The following CDK10 variants were observed in gnomAD, a reference collection of about 807,000 sequenced individuals.
CDK10 encodes cyclin-dependent kinase 10.
Under a neutral mutation model 51.0 loss-of-function variants are expected in CDK10, and 55 were observed. That is an observed-to-expected ratio of 1.08 (90% confidence interval 0.87 to 1.35). The LOEUF (loss-of-function observed/expected upper bound fraction) is 1.35, where lower values mean the gene tolerates loss of function less well. Among genes scored for constraint, CDK10 ranks in the 40% most tolerant of loss-of-function variants. CDK10 has a pLI of 0.00. For missense variants in CDK10, 589 were observed against 485.1 expected (o/e 1.21, Z -2.01); for synonymous variants, 255 against 199.1 (o/e 1.28, Z -2.36).
At chr16:89,692,226 C>G (rs1364542563) in intron 5 of CDK10, 2 of 543,616 alleles carry the variant, frequency 3.7e-6, no homozygotes, top group Admixed American at 3.6e-5. Flanking sequence ...CACTGGTTTT[C>G]TGGGCTGCTG....
Position 89,695,985 on chromosome 16 carries a change from G to A in CDK10, c.*293G>A, listed in dbSNP as rs2060705368. 3.3e-6 allele frequency: 2 copies of A among 611,160 alleles called. No individual in the cohort carries two copies. The allele number at this position is 611,160 out of a possible 1,614,324, so 37.9% of individuals were successfully genotyped here. A position where few individuals can be genotyped will look rare whatever the true frequency, so the allele number is the denominator to read the frequency against. ...TGGTCCTCCTCGCTATGTTGGAAATGTGCAACCACTGCTTCTTGGGAGGAG... is the reference window on the plus strand; with the variant it reads ...TGGTCCTCCTCGCTATGTTGGAAATATGCAACCACTGCTTCTTGGGAGGAG... On this transcript the variant is annotated 3_prime_UTR_variant, in exon 13 of 13. Coordinates refer to ENST00000353379, the MANE Select transcript of CDK10 (RefSeq NM_052988.5).
chr16:89,695,678 C>T lies in CDK10; in HGVS notation c.1069C>T (p.Arg357Cys), dbSNP rs201812075. 7.0e-5 allele frequency: 112 copies of T among 1,598,864 alleles called. No individual in the cohort carries two copies. The highest frequency in any genetic ancestry group is 3.7e-4 in the African/African-American group (28 of 74,782). ...APATSEGQSK[R>C]CKP ...AGCCACCTCCGAGGGCCAGAGCAAG[C>T]GCTGTAAACCCTGACGGTGGGCCTG... The change falls in exon 13 of 13, where the codon CGC (arginine) becomes TGC (cysteine). Residue 357 changes from arginine (R) to cysteine (C), a missense_variant. Arg to Cys is a radical substitution (Grantham distance 180). Coordinates refer to ENST00000353379, the MANE Select transcript of CDK10 (RefSeq NM_052988.5).
chr16:89,694,365 G>A (rs1191843250), intron 9 of CDK10, 133 bp downstream of exon 9: 1 of 1,018,116 alleles, frequency 9.8e-7, no homozygotes, highest in East Asian at 2.6e-5. Context: ...CCCACTCCCA[G>A]GGAGGTGGGC....
In CDK10 at chr16:89,690,535, A is replaced by C. The variant is rs1228320703; in HGVS notation, c.161-18A>C. On this transcript the variant is annotated intron_variant, in intron 2 of 12. Transcript: ENST00000353379. ...GGGGCATCGAGATGATGTCATCACC[A>C]ATGTGTTTCCATTCCAGATCGGGCC... 15 of 1,611,828 alleles carry C rather than the reference A, an allele frequency of 9.3e-6. No individual in the cohort carries two copies. The Admixed American group carries it at 2.0e-4, about 21-fold the overall frequency.
At position 89,695,970 on chromosome 16, in the gene CDK10, C is replaced by G; in HGVS notation, c.*278C>G. 1 of 622,804 alleles carries G rather than the reference C, an allele frequency of 1.6e-6. No homozygotes were observed. Among genetic ancestry groups the G allele is most frequent in the Non-Finnish European group, 2.8e-6 (1 of 351,530 alleles). 38.6% of individuals were successfully genotyped at this position (622,804 alleles called of 1,614,324 possible). On this transcript the variant is annotated 3_prime_UTR_variant, in exon 13 of 13. Coordinates refer to ENST00000353379, the MANE Select transcript of CDK10 (RefSeq NM_052988.5). ...TGCAGGGGTCTCATGTGGTCCTCCT[C>G]GCTATGTTGGAAATGTGCAACCACT...
At chr16:89,692,112 T>C in intron 5 of CDK10, 2 of 591,380 alleles carry the variant, frequency 3.4e-6, no homozygotes, top group Non-Finnish European at 3.0e-6. Flanking sequence ...ACTGGTTTCC[T>C]GGGCTGTTGG....
chr16:89,694,719 C>T lies in CDK10; in HGVS notation c.723C>T (p.Gly241=), dbSNP rs1320460566. The T allele has an allele frequency of 6.3e-7, 1 of 1,583,188 alleles. No individual in the cohort carries two copies. Among genetic ancestry groups the T allele is most frequent in the Non-Finnish European group, 8.6e-7 (1 of 1,165,304 alleles). Residue 241 remains glycine, a synonymous_variant, in exon 10 of 13, where the codon GGC becomes GGT. Transcript: ENST00000353379. ...ELLAHRPLLP[G]TSEIHQIDLI... is the part of the protein sequence containing the mutation. ...TGGCGCACAGGCCTCTTCTCCCCGG[C>T]ACTTCCGAGATCCACCAGATCGACT...
rs1438134537 is a variant in CDK10, at chr16:89,693,520, G to C, written c.608+53G>C. ...CTGGGGACCAGGCCTGTCTGGTGGA[G>C]GTCTCCTTGGGGATGTCAGGCCGAA... On this transcript the variant is annotated intron_variant, in intron 8 of 12. Transcript: ENST00000353379. 1.9e-6 allele frequency: 3 copies of C among 1,564,578 alleles called. No individual in the cohort carries two copies. In the South Asian group the frequency reaches 3.3e-5, roughly 17 times the overall value.
At chr16:89,691,928 T>A in intron 5 of CDK10, 41 bp downstream of exon 5, 1 of 1,523,234 alleles carries the variant, frequency 6.6e-7, no homozygotes, top group Non-Finnish European at 9.1e-7. Context: ...ATGGGCTTCA[T>A]GGGCCCTTGT....
rs1034346761 is a variant in CDK10 at position 89,694,221 on chromosome 16, C to T, written c.657C>T (p.Ser219=). The change falls in exon 9 of 13, where the codon AGC becomes AGT. Residue 219 remains serine (S), a synonymous_variant. Coordinates refer to ENST00000353379, the MANE Select transcript of CDK10 (RefSeq NM_052988.5). ...TGGGAACCACCACGCAGACCACCAG[C>T]ATCGACATGTGGTGAGGAGATACGG... The part of the protein sequence containing the change: ...LLLGTTTQTT[S]IDMWAVGCIL... 6 of 1,613,918 alleles carry T rather than the reference C, an allele frequency of 3.7e-6. No individual in the cohort carries two copies. Among genetic ancestry groups the T allele is most frequent in the Non-Finnish European group, 4.2e-6 (5 of 1,179,872 alleles).
Position 89,695,041 on chromosome 16 carries a change from C to T in CDK10, c.903C>T (p.His301=). ...WLSEAGLRLL[H]FLFMYDPKKR... is the part of the protein sequence containing the mutation. ...CGGAGGCCGGGCTGCGCCTGCTGCA[C>T]TTCCTGTTCATGTACGACCCTAAGA... Residue 301 remains histidine, a synonymous_variant, in exon 11 of 13, where the codon CAC becomes CAT. Transcript: ENST00000353379. The T allele has an allele frequency of 6.2e-7, 1 of 1,613,194 alleles. No individual in the cohort carries two copies. Among genetic ancestry groups the T allele is most frequent in the Non-Finnish European group, 8.5e-7 (1 of 1,180,016 alleles).
intron 6 of CDK10, chr16:89,692,771 A>C: frequency 5.6e-6 from 2 of 359,144 alleles, no homozygotes; most frequent in South Asian, 6.9e-5. Context: ...GAGCCACCAC[A>C]CCCAGGCATG....
chr16:89,690,600 G>C lies in CDK10; in HGVS notation c.208G>C (p.Val70Leu). The C allele has an allele frequency of 6.2e-7, 1 of 1,614,180 alleles. No individual in the cohort carries two copies. The highest frequency in any genetic ancestry group is 1.3e-5 in the African/African-American group (1 of 75,066). ...QTDEIVALKK[V>L]RMDKEKDGIP... ...AGATGAGATTGTCGCACTGAAGAAG[G>C]TGCGGATGGACAAGGAGAAGGATGG... The change falls in exon 3 of 13, where the codon GTG becomes CTG. Residue 70 changes from valine (V) to leucine (L), a missense_variant. Physicochemically the swap from Val to Leu is conservative, Grantham distance 32 (BLOSUM62 1). Transcript: ENST00000353379.
At position 89,686,815 on chromosome 16, in the gene CDK10, C is replaced by G; in HGVS notation, c.87+18C>G. ...AACACAGGGTGCGCGGGGTGCCACC[C>G]GGGCAGCTCTGCCCGCCTCGCTAGC... On this transcript the variant is annotated intron_variant, in intron 1 of 12. Transcript: ENST00000353379. The G allele has an allele frequency of 3.8e-6, 6 of 1,596,978 alleles. No homozygotes were observed. Among genetic ancestry groups the G allele is most frequent in the Non-Finnish European group, 5.1e-6 (6 of 1,170,128 alleles).
intron 8 of CDK10, 145 bp from the exon 9 acceptor site, chr16:89,694,027 TG>T: frequency 1.3e-6 from 1 of 756,480 alleles, no homozygotes; most frequent in Non-Finnish European, 2.3e-6. Context: ...GTGTGCCACC[TG>T]GATCTGCAGG....
chr16:89,686,813 C>A lies in CDK10; in HGVS notation c.87+16C>A, dbSNP rs1331514450. On this transcript the variant is annotated intron_variant, in intron 1 of 12. Transcript: ENST00000353379. ...GGAACACAGGGTGCGCGGGGTGCCACCCGGGCAGCTCTGCCCGCCTCGCTA... is the reference window on the plus strand; with the variant it reads ...GGAACACAGGGTGCGCGGGGTGCCAACCGGGCAGCTCTGCCCGCCTCGCTA... 1.2e-6 allele frequency: 2 copies of A among 1,600,676 alleles called. No homozygotes were observed. Among genetic ancestry groups the A allele is most frequent in the Non-Finnish European group, 8.5e-7 (1 of 1,172,660 alleles).
intron 5 of CDK10, 52 bp from the exon 6 acceptor site, chr16:89,692,397 C>A: frequency 1.4e-6 from 2 of 1,407,198 alleles, no homozygotes; most frequent in Middle Eastern, 1.9e-4. Flanking sequence ...CAGGGCCCAG[C>A]TGGGCTTCCC....
At chr16:89,689,488 C>T (rs2060347534) in intron 2 of CDK10, 164 bp downstream of exon 2, 5 of 636,398 alleles carry the variant, frequency 7.9e-6, no homozygotes, top group African/African-American at 5.5e-5. Context: ...ATGTAGTTAT[C>T]ACAAACATTG....
At chr16:89,695,262 A>G in intron 11 of CDK10, 31 bp from the exon 12 acceptor site, 1 of 1,595,194 alleles carries the variant, frequency 6.3e-7, no homozygotes, top group Non-Finnish European at 8.6e-7. Flanking sequence ...CCGCACTCAC[A>G]AGTCGCACTA....
Sources: allele counts gnomAD v4.1 joint callset, GRCh38; gene constraint gnomAD v4.1.1; transcripts MANE v1.5; gene names NCBI Gene and HGNC (gene_info 2026-07-23, HGNC 2026-07-21).